Variants in COL11A1 observed in about 807,000 individuals in gnomAD.
The protein encoded by COL11A1 is collagen alpha-1(XI) chain.
COL11A1 carries 74 observed loss-of-function variants against 265.2 expected under a neutral mutation model. The ratio of observed to expected loss-of-function variants is 0.28; its 90% CI spans 0.23 to 0.34. The LOEUF (loss-of-function observed/expected upper bound fraction) is 0.34. Ranked by LOEUF, COL11A1 falls within the 10% of genes least tolerant of loss-of-function variation. The pLI is 1.00. For missense variants in COL11A1, 2,165 were observed against 2,263.6 expected (o/e 0.96, Z 0.88); for synonymous variants, 816 against 727.6 (o/e 1.12, Z -1.96).
chr1:103,027,816 G>A (rs1667663612), intron 5 of COL11A1, among the ~76,000 whole-genome samples: 2 of 151,956 alleles, frequency 1.3e-5, no homozygotes, highest in South Asian at 4.1e-4. Context: ...TGCTATTCAA[G>A]GATATATACA....
intron 37 of COL11A1, among the ~76,000 whole-genome samples, chr1:102,966,650 G>A (rs916404880): frequency 6.6e-6 from 1 of 152,000 alleles, no homozygotes; most frequent in East Asian, 1.9e-4. Context: ...CATATTAGTC[G>A]CTTAATTTTT....
chr1:102,899,678 T>A (rs1652938616), intron 54 of COL11A1, among the ~76,000 whole-genome samples: 1 of 152,176 alleles, frequency 6.6e-6, no homozygotes, highest in African/African-American at 2.4e-5. Context: ...AAACTGCTTT[T>A]CATTTTTTTC....
chr1:102,914,725 A>G lies in COL11A1; in HGVS notation c.3903T>C (p.Asp1301=). The part of the protein sequence containing the change: ...GPPGAKGPPG[D]DGPKGNPGPV... ...TTACCGGGTTACCCTTAGGGCCATC[A>G]TCACCTGGTGGCCCCTTGGCACCTG... Residue 1301 remains aspartate (D), a synonymous_variant, in exon 51 of 67, where the codon GAT becomes GAC. Transcript: ENST00000370096. 6.2e-7 allele frequency: 1 copy of G among 1,613,256 alleles called. No individual in the cohort carries two copies. Among genetic ancestry groups the G allele is most frequent in the Non-Finnish European group, 8.5e-7 (1 of 1,179,842 alleles).
At chr1:102,925,256 C>A (rs982845128) in intron 46 of COL11A1, among the ~76,000 whole-genome samples, 2 of 152,052 alleles carry the variant, frequency 1.3e-5, no homozygotes, top group Non-Finnish European at 2.9e-5. Flanking sequence ...AAAAGCAGTA[C>A]TTAGCCTTTT....
At chr1:103,026,118 TG>T (rs1330822738) in intron 6 of COL11A1, 97 bp downstream of exon 6, 1 of 1,199,196 alleles carries the variant, frequency 8.3e-7, no homozygotes, top group African/African-American at 1.5e-5. Context: ...ATAAGATGAA[TG>T]AAAGGTTTAT....
Position 103,093,910 on chromosome 1 carries a change from A to G in COL11A1, c.107-10938T>C, listed in dbSNP as rs115982127. On this transcript the variant is annotated intron_variant, in intron 1 of 66. Coordinates refer to ENST00000370096, the MANE Select transcript of COL11A1 (RefSeq NM_001854.4). ...ATGGTACTGTATGGAAAGCACTGTC[A>G]ATGCTATGGAAGAGAACGCTGATAG... 6.1e-3 allele frequency among the ~76,000 whole-genome samples: 929 copies of G among 152,248 alleles called. 8 individuals carry two copies. Among genetic ancestry groups the G allele is most frequent in the African/African-American group, 0.021 (865 of 41,546 alleles).
intron 5 of COL11A1, among the ~76,000 whole-genome samples, chr1:103,026,975 C>A (rs915155119): frequency 5.3e-5 from 8 of 151,754 alleles, no homozygotes; most frequent in Non-Finnish European, 8.8e-5. Context: ...AGCACAAAAT[C>A]CTTGTGAGAC....
At chr1:103,014,074 C>A (rs1557945934) in intron 13 of COL11A1, among the ~76,000 whole-genome samples, 2 of 151,900 alleles carry the variant, frequency 1.3e-5, no homozygotes, top group East Asian at 3.9e-4. Context: ...ATTTAATTTT[C>A]TGTGTTATCC....
At chr1:102,925,806 T>G (rs1570747522) in intron 46 of COL11A1, among the ~76,000 whole-genome samples, 3 of 152,092 alleles carry the variant, frequency 2.0e-5, no homozygotes, top group Admixed American at 6.5e-5. Flanking sequence ...ATATTTCACT[T>G]TAACACCATT....
chr1:103,079,327 G>A (rs1672222951), intron 2 of COL11A1, among the ~76,000 whole-genome samples: 1 of 152,048 alleles, frequency 6.6e-6, no homozygotes, highest in South Asian at 2.1e-4. Flanking sequence ...AAAAGCTTAA[G>A]AGTTTTCGAT....
intron 1 of COL11A1, among the ~76,000 whole-genome samples, chr1:103,103,968 A>T (rs1434151501): frequency 1.3e-5 from 2 of 151,936 alleles, no homozygotes; most frequent in Non-Finnish European, 2.9e-5. Context: ...ACAGATCTTC[A>T]CTCTACTCAG....
chr1:102,932,544 T>A, intron 46 of COL11A1, among the ~76,000 whole-genome samples: 1 of 152,158 alleles, frequency 6.6e-6, no homozygotes, highest in Non-Finnish European at 1.5e-5. Flanking sequence ...TCATTTCAAC[T>A]TTGGTGAATC....
intron 63 of COL11A1, among the ~76,000 whole-genome samples, chr1:102,883,558 G>T (rs1650544292): frequency 6.6e-6 from 1 of 152,040 alleles, no homozygotes; most frequent in African/African-American, 2.4e-5. Flanking sequence ...TTCTTAGCAT[G>T]CCTATCACTT....
intron 54 of COL11A1, among the ~76,000 whole-genome samples, chr1:102,903,621 G>A (rs954522610): frequency 6.6e-6 from 1 of 152,200 alleles, no homozygotes; most frequent in Non-Finnish European, 1.5e-5. Flanking sequence ...CTGTAGAACA[G>A]ATATTACCTT....
At chr1:102,999,805 G>C (rs1197480911) in intron 24 of COL11A1, among the ~76,000 whole-genome samples, 1 of 151,856 alleles carries the variant, frequency 6.6e-6, no homozygotes, top group African/African-American at 2.4e-5. Context: ...TCTTGAGCCA[G>C]AATAAATAAA....
At chr1:102,959,351 CTTGG>C (rs2101548660) in intron 41 of COL11A1, among the ~76,000 whole-genome samples, 1 of 152,300 alleles carries the variant, frequency 6.6e-6, no homozygotes, top group East Asian at 1.9e-4. Flanking sequence ...TTTTGTCCCA[CTTGG>C]GCAAAAACAG....
rs1676486 is a variant in COL11A1 at position 102,888,582 on chromosome 1, A to T, written c.4603T>A (p.Ser1535Thr). The T allele has an allele frequency of 6.2e-7, 1 of 1,612,906 alleles. No individual in the cohort carries two copies. The highest frequency in any genetic ancestry group is 8.5e-7 in the Non-Finnish European group (1 of 1,179,090). Reference sequence around the variant, plus strand: ...TCTTGTTAACATATACTTACTGGAGACCCAGGAGGCCCTGGAAGACCACTG... The same window carrying T: ...TCTTGTTAACATATACTTACTGGAGTCCCAGGAGGCCCTGGAAGACCACTG... The part of the protein sequence containing the change: ...GDSGLPGPPG[S>T]PGPPGEVIQP... Residue 1535 changes from serine to threonine, a missense_variant, in exon 62 of 67, where the codon TCT becomes ACT. Physicochemically the swap from Ser to Thr is moderately conservative, Grantham distance 58 (BLOSUM62 1). Coordinates refer to ENST00000370096, the MANE Select transcript of COL11A1 (RefSeq NM_001854.4).
At chr1:103,105,611 A>G (rs187874148) in intron 1 of COL11A1, among the ~76,000 whole-genome samples, 6 of 152,122 alleles carry the variant, frequency 3.9e-5, no homozygotes, top group African/African-American at 1.2e-4. Context: ...TTAATATCCA[A>G]ATCTTATCAC....
At chr1:102,913,169 T>C (rs1216945574) in intron 53 of COL11A1, among the ~76,000 whole-genome samples, 2 of 152,146 alleles carry the variant, frequency 1.3e-5, no homozygotes, top group Non-Finnish European at 2.9e-5. Flanking sequence ...TCTCCCTAAA[T>C]AACTAAATGT....
Sources: allele counts gnomAD v4.1 joint callset (sites outside exome capture counted in the v4.1 genomes callset), GRCh38; gene constraint gnomAD v4.1.1; transcripts MANE v1.5; gene names NCBI Gene and HGNC (gene_info 2026-07-23, HGNC 2026-07-21).